RBM25: variants seen among roughly 807,000 people sequenced by gnomAD.
RBM25 encodes RNA-binding protein 25.
Under a neutral mutation model 120.7 loss-of-function variants are expected in RBM25, and 19 were observed. The observed-to-expected ratio is 0.16, with a 90% CI of 0.11 to 0.23. The LOEUF (loss-of-function observed/expected upper bound fraction) is 0.23. Ranked by LOEUF, RBM25 falls within the 10% of genes least tolerant of loss-of-function variation. The pLI is 1.00. For synonymous variants in RBM25, 390 were observed against 326.7 expected, an observed-to-expected ratio of 1.19 and a Z score of -2.09; for missense variants, 605 against 1,041.5, an observed-to-expected ratio of 0.58 and a Z score of 5.77.
Position 73,117,210 on chromosome 14 carries a change from C to CTTTTTTTTTTTTTTTTTTTTTTTTT in RBM25, c.2440-2493_2440-2469dup, listed in dbSNP as rs71112704. On this transcript the variant is annotated intron_variant, in intron 18 of 18. Transcript: ENST00000261973. ...TTTCTTTTAATTTCTTTCTTCTTTT[C>CTTTTTTTTTTTTTTTTTTTTTTTTT]TTTTTTTTTTTTTTTTTTTTTTTTT... Among the ~76,000 whole-genome samples the CTTTTTTTTTTTTTTTTTTTTTTTTT allele has an allele frequency of 7.7e-4, 38 of 49,434 alleles. 7 individuals are homozygous for CTTTTTTTTTTTTTTTTTTTTTTTTT. Among genetic ancestry groups the CTTTTTTTTTTTTTTTTTTTTTTTTT allele is most frequent in the Non-Finnish European group, 1.0e-3 (28 of 27,340 alleles). The allele number at this position is 49,434 out of a possible 152,430, so 32.4% of individuals were successfully genotyped here.
chr14:73,086,172 G>A (rs558604806), intron 5 of RBM25, among the ~76,000 whole-genome samples: 4 of 152,008 alleles, frequency 2.6e-5, no homozygotes, highest in Non-Finnish European at 2.9e-5. Flanking sequence ...TTTGGGATGG[G>A]TGTGGTGGCT....
At chr14:73,118,152 G>A (rs2140468948) in intron 18 of RBM25, among the ~76,000 whole-genome samples, 1 of 152,256 alleles carries the variant, frequency 6.6e-6, no homozygotes, top group East Asian at 1.9e-4. Flanking sequence ...GTTCACTTTA[G>A]TGTCACATAC....
intron 1 of RBM25, chr14:73,064,904 C>T (rs1895090514): frequency 6.7e-6 from 1 of 150,290 alleles, no homozygotes; most frequent in Non-Finnish European, 1.5e-5. Context: ...ATGAATTACA[C>T]ATTTAAAAAC....
At position 73,122,262 on chromosome 14, in the gene RBM25, TTTG is replaced by T. The variant is rs1379117499; in HGVS notation, c.*2463_*2465del. ...TATATAAAGAGCATGAAAGTCTTTT[TTTG>T]TTGTTTTTTTGGGGTTTTTTTTTTT... On this transcript the variant is annotated 3_prime_UTR_variant, in exon 19 of 19. Coordinates refer to ENST00000261973, the MANE Select transcript of RBM25 (RefSeq NM_021239.3). 6.6e-6 allele frequency: 1 copy of T among 150,568 alleles called. No homozygotes were observed. Among genetic ancestry groups the T allele is most frequent in the East Asian group, 1.9e-4 (1 of 5,178 alleles). 9.3% of individuals were successfully genotyped at this position (150,568 alleles called of 1,614,324 possible).
In RBM25 at chr14:73,120,469, G is replaced by A. The variant is rs1896520161; in HGVS notation, c.*664G>A. On this transcript the variant is annotated 3_prime_UTR_variant, in exon 19 of 19. Transcript: ENST00000261973. ...CAACCTGAAATGTCTGTTATAATTAGGTTATTAGTTTCCCAGAGCATGGTG... is the reference window on the plus strand; with the variant it reads ...CAACCTGAAATGTCTGTTATAATTAAGTTATTAGTTTCCCAGAGCATGGTG... 6.6e-6 allele frequency: 1 copy of A among 152,606 alleles called. No individual in the cohort carries two copies. Among genetic ancestry groups the A allele is most frequent in the African/African-American group, 2.4e-5 (1 of 41,432 alleles). 9.5% of individuals were successfully genotyped at this position (152,606 alleles called of 1,614,324 possible).
At chr14:73,111,447 A>T in intron 15 of RBM25, 81 bp from the exon 16 acceptor site, 8 of 1,398,970 alleles carry the variant, frequency 5.7e-6, no homozygotes, top group Non-Finnish European at 7.7e-6. Context: ...TATATTTTGC[A>T]TTGCTTTTGA....
chr14:73,096,509 A>T (rs1231181679), intron 6 of RBM25, among the ~76,000 whole-genome samples: 1 of 152,084 alleles, frequency 6.6e-6, no homozygotes, highest in African/African-American at 2.4e-5. Flanking sequence ...GCTTTTTCTG[A>T]GTGGTAGCTA....
intron 7 of RBM25, among the ~76,000 whole-genome samples, chr14:73,098,508 T>C (rs1395071741): frequency 6.6e-6 from 1 of 152,180 alleles, no homozygotes; most frequent in Non-Finnish European, 1.5e-5. Context: ...TATGAATGGA[T>C]GGTTACATTT....
At chr14:73,072,287 A>T (rs1048773412) in intron 2 of RBM25, among the ~76,000 whole-genome samples, 7 of 151,730 alleles carry the variant, frequency 4.6e-5, no homozygotes, top group East Asian at 1.9e-4. Flanking sequence ...TTCTATATTT[A>T]AAAAAAATGG....
chr14:73,064,209 A>G, intron 1 of RBM25, among the ~76,000 whole-genome samples: 1 of 151,520 alleles, frequency 6.6e-6, no homozygotes, highest in Non-Finnish European at 1.5e-5. Context: ...TATTTTGTTT[A>G]TCATCTATAG....
At chr14:73,077,109 A>G (rs554521421) in intron 3 of RBM25, among the ~76,000 whole-genome samples, 17 of 152,340 alleles carry the variant, frequency 1.1e-4, no homozygotes, top group Admixed American at 2.0e-4. Context: ...TTATGTCTTA[A>G]ACATAACAAA....
intron 13 of RBM25, among the ~76,000 whole-genome samples, chr14:73,108,261 T>C (rs1282250503): frequency 5.3e-5 from 8 of 152,240 alleles, no homozygotes; most frequent in Admixed American, 2.0e-4. Context: ...CATAGTTCAC[T>C]GTAACCTTGA....
chr14:73,101,186 C>G (rs1432947133), intron 9 of RBM25: 3 of 152,036 alleles, frequency 2.0e-5, no homozygotes, highest in Non-Finnish European at 2.9e-5. Flanking sequence ...AAAACCAAAA[C>G]AGTTGTTTTT....
At chr14:73,062,631 A>C (rs2140418776) in intron 1 of RBM25, among the ~76,000 whole-genome samples, 1 of 151,656 alleles carries the variant, frequency 6.6e-6, no homozygotes, top group East Asian at 1.9e-4. Context: ...TGAAAAAAGA[A>C]AAGCTGAGTG....
chr14:73,080,213 C>CTTTTT (rs766461418), intron 4 of RBM25, among the ~76,000 whole-genome samples: 1,479 of 67,196 alleles, frequency 0.022, 342 homozygotes, highest in African/African-American at 0.061. Context: ...TCTTACACAT[C>CTTTTT]TTTTTTTTTT....
chr14:73,111,898 TAATGACA>T, intron 16 of RBM25, 96 bp downstream of exon 16: 2 of 1,369,152 alleles, frequency 1.5e-6, no homozygotes, highest in East Asian at 2.3e-5. Context: ...TTGATTCTAT[TAATGACA>T]AATAAGTAGG....
chr14:73,106,934 G>A (rs1421829292), intron 12 of RBM25, among the ~76,000 whole-genome samples: 1 of 151,282 alleles, frequency 6.6e-6, no homozygotes, highest in African/African-American at 2.4e-5. Context: ...CCAGGTTCAA[G>A]CGATAAGCGA....
intron 18 of RBM25, among the ~76,000 whole-genome samples, chr14:73,115,291 CATT>C (rs1896403446): frequency 6.6e-6 from 1 of 152,042 alleles, no homozygotes; most frequent in Admixed American, 6.6e-5. Context: ...GCCTAGTACT[CATT>C]AGTTATTTTT....
Position 73,109,425 on chromosome 14 carries a change from A to G in RBM25, c.1625A>G (p.Glu542Gly). The G allele has an allele frequency of 6.2e-7, 1 of 1,614,170 alleles. No homozygotes were observed. Among genetic ancestry groups the G allele is most frequent in the Non-Finnish European group, 8.5e-7 (1 of 1,180,020 alleles). The change falls in exon 14 of 19, where the codon GAG becomes GGG. Residue 542 changes from glutamate (E) to glycine (G), a missense_variant. Glu to Gly is a moderately conservative substitution (Grantham distance 98). This residue lies in a region of RBM25 where 465 missense variants were observed against 741.6 expected (regional missense o/e 0.63). Transcript: ENST00000261973. ...CGAGATAGGAAGAGAGAGAAGGAGG[A>G]GCTTGAGGAAATCAGGCAGCGCCTT... Reference protein sequence around the residue: ...DERDRKREKEELEEIRQRLLA... With the variant: ...DERDRKREKEGLEEIRQRLLA...
Sources: gnomAD v4.1 joint callset for allele counts (sites outside exome capture counted in the v4.1 genomes callset) on GRCh38, gnomAD v4.1.1 for gene constraint, gnomAD v4.1.1 regional missense constraint, MANE v1.5 for transcripts, NCBI Gene and HGNC (gene_info 2026-07-23, HGNC 2026-07-21) for gene names.